NKAIN3: variants seen among roughly 807,000 people sequenced by gnomAD.
NKAIN3 encodes the protein sodium/potassium transporting ATPase interacting 3.
Under a neutral mutation model 30.2 loss-of-function variants are expected in NKAIN3, and 25 were observed. The ratio of observed to expected loss-of-function variants is 0.83; its 90% confidence interval spans 0.60 to 1.16. The LOEUF is 1.16. Among genes scored for constraint, NKAIN3 ranks in the 50% most tolerant of loss-of-function variants. NKAIN3 has a pLI of 0.00. For missense variants in NKAIN3, 225 were observed against 254.1 expected (o/e 0.89, Z 0.78); for synonymous variants, 91 against 89.6 (o/e 1.02, Z -0.09).
chr8:62,418,061 C>T (rs1422639867), intron 1 of NKAIN3, among the ~76,000 whole-genome samples: 1 of 152,146 alleles, frequency 6.6e-6, no homozygotes, highest in Non-Finnish European at 1.5e-5. Flanking sequence ...CCTCACTCAC[C>T]TCTCCCCAGT....
At chr8:62,602,910 T>C (rs1388169318) in intron 3 of NKAIN3, among the ~76,000 whole-genome samples, 3 of 152,112 alleles carry the variant, frequency 2.0e-5, no homozygotes, top group Non-Finnish European at 4.4e-5. Context: ...TTACATAGCA[T>C]TAAGCCATTC....
chr8:62,672,321 C>T (rs1320306200), intron 3 of NKAIN3, among the ~76,000 whole-genome samples: 1 of 152,172 alleles, frequency 6.6e-6, no homozygotes. Flanking sequence ...CTGAATGTCT[C>T]AGAATGTTGG....
chr8:62,538,088 T>C, intron 1 of NKAIN3, among the ~76,000 whole-genome samples: 1 of 152,194 alleles, frequency 6.6e-6, no homozygotes, highest in East Asian at 1.9e-4. Context: ...AACAGAGCCC[T>C]GAGGAGCTTT....
At chr8:62,396,592 T>C (rs1817774481) in intron 1 of NKAIN3, among the ~76,000 whole-genome samples, 1 of 152,234 alleles carries the variant, frequency 6.6e-6, no homozygotes, top group Non-Finnish European at 1.5e-5. Context: ...ATTGTGGCTC[T>C]TAATTTATAG....
chr8:62,558,258 T>C (rs1159545445), intron 1 of NKAIN3, among the ~76,000 whole-genome samples: 3 of 152,132 alleles, frequency 2.0e-5, no homozygotes, highest in Admixed American at 6.6e-5. Context: ...TTCTGTTTCA[T>C]TGGTCTATGT....
chr8:62,359,570 C>T (rs142035636), intron 1 of NKAIN3, among the ~76,000 whole-genome samples: 89 of 152,308 alleles, frequency 5.8e-4, no homozygotes, highest in African/African-American at 1.9e-3. Flanking sequence ...GTCTCCCATG[C>T]TCCACTCACA....
intron 3 of NKAIN3, among the ~76,000 whole-genome samples, chr8:62,603,712 G>T (rs1811046184): frequency 2.0e-5 from 3 of 152,010 alleles, no homozygotes; most frequent in Admixed American, 6.6e-5. Flanking sequence ...CATCTGATTT[G>T]TGCTTCCTCT....
chr8:62,527,701 C>G lies in NKAIN3; in HGVS notation c.55-51838C>G, dbSNP rs374170984. ...AGAAAATGTATTATTATATTTATCT[C>G]TCCAATCCAATCAGGACCCAGTAAT... is the stretch of plus-strand genomic sequence containing the variant. On this transcript the variant is annotated intron_variant, in intron 1 of 6. Transcript: ENST00000623646. Among the ~76,000 whole-genome samples, 29 of 152,206 alleles carry G rather than the reference C, an allele frequency of 1.9e-4. No individual in the cohort carries two copies. The South Asian group carries it at 5.6e-3, about 29-fold the overall frequency.
At chr8:62,345,467 A>ATATATGTG in intron 1 of NKAIN3, among the ~76,000 whole-genome samples, 1 of 23,384 alleles carries the variant, frequency 4.3e-5, no homozygotes, top group African/African-American at 9.0e-5. Context: ...ATATATACAC[A>ATATATGTG]TATATACACA....
intron 1 of NKAIN3, among the ~76,000 whole-genome samples, chr8:62,291,377 T>A (rs1482608747): frequency 6.6e-6 from 1 of 152,214 alleles, no homozygotes; most frequent in East Asian, 1.9e-4. Context: ...GGGCATTTAG[T>A]GCTATAAATT....
chr8:62,686,028 C>A (rs1015480075), intron 3 of NKAIN3, among the ~76,000 whole-genome samples: 5 of 152,048 alleles, frequency 3.3e-5, no homozygotes, highest in Non-Finnish European at 7.4e-5. Context: ...GATCTCCTTT[C>A]GAGAGAAATC....
chr8:62,258,591 T>C (rs1373148779), intron 1 of NKAIN3, among the ~76,000 whole-genome samples: 2 of 151,968 alleles, frequency 1.3e-5, no homozygotes, highest in African/African-American at 4.8e-5. Flanking sequence ...GCCCAGGAGT[T>C]CGAGGCTGCA....
At position 62,537,689 on chromosome 8, in the gene NKAIN3, T is replaced by G. The variant is rs141998653; in HGVS notation, c.55-41850T>G. Among the ~76,000 whole-genome samples, 1,268 of 152,238 alleles carry G rather than the reference T, an allele frequency of 8.3e-3. 15 individuals are homozygous for G. Among genetic ancestry groups the G allele is most frequent in the South Asian group, 0.032 (154 of 4,826 alleles). Reference sequence around the variant, plus strand: ...TCAACAACTCTCAATTAGCAATTTTTGAGCACTAATGTGTAGTTGCAGAAA... The same window carrying G: ...TCAACAACTCTCAATTAGCAATTTTGGAGCACTAATGTGTAGTTGCAGAAA... On this transcript the variant is annotated intron_variant, in intron 1 of 6. Transcript: ENST00000623646.
intron 4 of NKAIN3, among the ~76,000 whole-genome samples, chr8:62,871,345 G>T (rs1425981760): frequency 1.3e-5 from 2 of 149,766 alleles, no homozygotes; most frequent in East Asian, 3.9e-4. Context: ...AGAGGTTGCA[G>T]TTGGCCGAGA....
intron 3 of NKAIN3, among the ~76,000 whole-genome samples, chr8:62,629,486 C>T (rs1811889682): frequency 6.6e-6 from 1 of 152,084 alleles, no homozygotes; most frequent in South Asian, 2.1e-4. Flanking sequence ...AGTTATAATA[C>T]ATCCATAGCA....
chr8:62,482,828 T>G (rs2129600949), intron 1 of NKAIN3: 1 of 152,362 alleles, frequency 6.6e-6, no homozygotes, highest in African/African-American at 2.4e-5. Context: ...TTAGCAGGAA[T>G]TTTACTCCAG....
chr8:62,632,590 C>T (rs542670855), intron 3 of NKAIN3, among the ~76,000 whole-genome samples: 2 of 152,156 alleles, frequency 1.3e-5, no homozygotes, highest in African/African-American at 2.4e-5. Context: ...GAAACCTCCA[C>T]CTTCCAGGTT....
intron 3 of NKAIN3, among the ~76,000 whole-genome samples, chr8:62,691,410 G>A (rs1439569870): frequency 1.3e-5 from 2 of 152,040 alleles, no homozygotes; most frequent in African/African-American, 4.8e-5. Flanking sequence ...TTGAGGCTGA[G>A]CGCTAGGGTG....
intron 1 of NKAIN3, among the ~76,000 whole-genome samples, chr8:62,434,189 A>T (rs975461057): frequency 6.6e-6 from 1 of 151,994 alleles, no homozygotes; most frequent in Non-Finnish European, 1.5e-5. Flanking sequence ...GAAGAGCACC[A>T]CTCTTCTTAA....
Sources: gnomAD v4.1 joint callset for allele counts (sites outside exome capture counted in the v4.1 genomes callset) on GRCh38, gnomAD v4.1.1 for gene constraint, MANE v1.5 for transcripts, NCBI Gene and HGNC (gene_info 2026-07-23, HGNC 2026-07-21) for gene names.